Variants in SORCS1 observed in about 807,000 individuals in gnomAD.
SORCS1 encodes the protein VPS10 domain-containing receptor SorCS1.
In SORCS1, 60 loss-of-function variants were observed where a neutral mutation model predicts 146.1. The ratio of observed to expected loss-of-function variants is 0.41; its 90% CI spans 0.33 to 0.51. The LOEUF (loss-of-function observed/expected upper bound fraction) is 0.51. SORCS1 is among the 20% of genes least tolerant of loss of function. SORCS1 has a pLI of 0.21. For synonymous variants in SORCS1, 637 were observed against 584.0 expected (o/e 1.09, Z -1.31); for missense variants, 1,352 against 1,487.6 (o/e 0.91, Z 1.50).
intron 20 of SORCS1, 55 bp from the exon 21 acceptor site, chr10:106,618,327 C>T: frequency 1.3e-6 from 2 of 1,595,334 alleles, no homozygotes; most frequent in Non-Finnish European, 1.7e-6. Flanking sequence ...ACAGGTGACA[C>T]AGCCACTAAC....
chr10:106,810,611 T>C (rs1039239768), intron 3 of SORCS1, among the ~76,000 whole-genome samples: 7 of 152,200 alleles, frequency 4.6e-5, no homozygotes, highest in Non-Finnish European at 1.0e-4. Context: ...GAATACACCA[T>C]AATAGTGGCC....
intron 1 of SORCS1, among the ~76,000 whole-genome samples, chr10:107,073,629 G>T (rs1467166088): frequency 6.6e-6 from 1 of 152,142 alleles, no homozygotes; most frequent in Non-Finnish European, 1.5e-5. Flanking sequence ...TACAGATAAA[G>T]AAAGCGAGGC....
chr10:107,121,398 C>G (rs1966402495), intron 1 of SORCS1, among the ~76,000 whole-genome samples: 1 of 152,202 alleles, frequency 6.6e-6, no homozygotes, highest in Admixed American at 6.5e-5. Flanking sequence ...GAAGCATCCC[C>G]ACTGCTCTCA....
At chr10:107,123,553 C>A (rs1357226067) in intron 1 of SORCS1, among the ~76,000 whole-genome samples, 3 of 152,068 alleles carry the variant, frequency 2.0e-5, no homozygotes, top group Non-Finnish European at 1.5e-5. Context: ...CAAATATAAA[C>A]AAGAAACTGA....
At chr10:106,877,059 A>C (rs1950612785) in intron 2 of SORCS1, among the ~76,000 whole-genome samples, 1 of 152,222 alleles carries the variant, frequency 6.6e-6, no homozygotes, top group South Asian at 2.1e-4. Context: ...GAAGCTAATG[A>C]GAATCACTGG....
chr10:106,984,055 G>T (rs1160776309), intron 1 of SORCS1, among the ~76,000 whole-genome samples: 1 of 152,062 alleles, frequency 6.6e-6, no homozygotes, highest in Non-Finnish European at 1.5e-5. Context: ...ACCAATTCCT[G>T]GGTTAATGGA....
chr10:106,918,975 C>T (rs1477902984), intron 2 of SORCS1, among the ~76,000 whole-genome samples: 1 of 151,964 alleles, frequency 6.6e-6, no homozygotes, highest in East Asian at 1.9e-4. Flanking sequence ...TAGCTGGGAC[C>T]ACAGGTGTGC....
chr10:106,814,435 G>T (rs1029011461), intron 3 of SORCS1, among the ~76,000 whole-genome samples: 1 of 152,282 alleles, frequency 6.6e-6, no homozygotes, highest in Non-Finnish European at 1.5e-5. Flanking sequence ...GAAGAACATA[G>T]ACCAGAAATG....
rs546765462 is a variant in SORCS1 at position 106,801,194 on chromosome 10, C to T, written c.727-24502G>A. ...TATATGAACACCTAATTTTCACATA[C>T]TATCATATTAAATATGTGCTATTCA... On this transcript the variant is annotated intron_variant, in intron 3 of 25. Coordinates refer to ENST00000263054, the MANE Select transcript of SORCS1 (RefSeq NM_052918.5). Among the ~76,000 whole-genome samples the T allele has an allele frequency of 2.0e-5, 3 of 151,974 alleles. No individual in the cohort carries two copies. The South Asian group carries it at 6.2e-4, about 32-fold the overall frequency.
chr10:106,761,639 C>T lies in SORCS1; in HGVS notation c.908G>A (p.Gly303Glu). Residue 303 changes from glycine to glutamate, a missense_variant, in exon 5 of 26, where the codon GGG becomes GAG. By Grantham distance (98) the Gly-to-Glu change is moderately conservative. Around this residue, in one of 3 missense-constraint regions of SORCS1, gnomAD observed 490 missense variants for 489.1 expected, o/e 1.00. Transcript: ENST00000263054. ...TTCTTGGATAAGCTGCCATCTTCTC[C>T]CAAATTCAGCAGAGCTGTATAACTG... is the stretch of plus-strand genomic sequence containing the variant. ...DQKLYSSAEF[G>E]RRWQLIQEGV... is the part of the protein sequence containing the mutation. 6.2e-7 allele frequency: 1 copy of T among 1,614,152 alleles called. No homozygotes were observed. Among genetic ancestry groups the T allele is most frequent in the Non-Finnish European group, 8.5e-7 (1 of 1,180,008 alleles).
intron 2 of SORCS1, among the ~76,000 whole-genome samples, chr10:106,832,181 CTTTTTTT>C (rs71025561): frequency 7.7e-6 from 1 of 130,358 alleles, no homozygotes; most frequent in African/African-American, 2.9e-5. Flanking sequence ...TTTGTTTTCG[CTTTTTTT>C]TTTTTTTTTT....
chr10:106,588,293 ATTAGG>A lies in SORCS1; in HGVS notation c.3266-8824_3266-8820del, dbSNP rs1344812287. On this transcript the variant is annotated intron_variant, in intron 24 of 25. Transcript: ENST00000263054. ...TCATTGTCATTTGCCCATTCTGCCA[ATTAGG>A]TTAGCTCCAAATATTCCAAGAAATT... Among the ~76,000 whole-genome samples, 4 of 152,216 alleles carry A rather than the reference ATTAGG, an allele frequency of 2.6e-5. No individual in the cohort carries two copies. In the East Asian group the frequency reaches 7.7e-4, roughly 29 times the overall value.
At chr10:106,726,131 T>G (rs1011645172) in intron 6 of SORCS1, among the ~76,000 whole-genome samples, 1 of 150,994 alleles carries the variant, frequency 6.6e-6, no homozygotes, top group Non-Finnish European at 1.5e-5. Context: ...ATTTTGTTGT[T>G]GTTGTTGTTG....
At chr10:106,910,603 C>T (rs1564800532) in intron 2 of SORCS1, among the ~76,000 whole-genome samples, 1 of 152,118 alleles carries the variant, frequency 6.6e-6, no homozygotes. Context: ...AAGGCAAAAA[C>T]AGCCCTAGTA....
intron 4 of SORCS1, among the ~76,000 whole-genome samples, chr10:106,772,452 C>CAATA (rs1860094738): frequency 6.6e-6 from 1 of 151,788 alleles, no homozygotes. Context: ...CATAATCAAT[C>CAATA]AATCAATCAA....
At chr10:107,123,335 T>G (rs1341548812) in intron 1 of SORCS1, among the ~76,000 whole-genome samples, 1 of 152,232 alleles carries the variant, frequency 6.6e-6, no homozygotes, top group Non-Finnish European at 1.5e-5. Flanking sequence ...ATAACCATAC[T>G]GTTCAATAAA....
At chr10:106,927,418 C>T (rs1455802326) in intron 2 of SORCS1, among the ~76,000 whole-genome samples, 2 of 152,016 alleles carry the variant, frequency 1.3e-5, no homozygotes, top group East Asian at 3.9e-4. Context: ...AGCTGCAGAC[C>T]TTGGCGGTGA....
intron 1 of SORCS1, among the ~76,000 whole-genome samples, chr10:107,066,223 A>T (rs1961843882): frequency 6.6e-6 from 1 of 152,150 alleles, no homozygotes; most frequent in African/African-American, 2.4e-5. Context: ...TGGGGTTCCA[A>T]GCATCATGAT....
At chr10:106,764,357 A>C (rs1859380706) in intron 4 of SORCS1, among the ~76,000 whole-genome samples, 2 of 152,234 alleles carry the variant, frequency 1.3e-5, no homozygotes, top group Non-Finnish European at 2.9e-5. Flanking sequence ...CAGAGTCTGG[A>C]AGCAAAGTGC....
Sources: gnomAD v4.1 joint callset for allele counts (sites outside exome capture counted in the v4.1 genomes callset) on GRCh38, gnomAD v4.1.1 for gene constraint, gnomAD v4.1.1 regional missense constraint, MANE v1.5 for transcripts, NCBI Gene and HGNC (gene_info 2026-07-23, HGNC 2026-07-21) for gene names.